CEP85L: variants seen among roughly 807,000 people sequenced by gnomAD.
CEP85L encodes the protein centrosomal protein 85L.
Under a neutral mutation model 100.3 loss-of-function variants are expected in CEP85L, and 60 were observed. The observed-to-expected ratio is 0.60, with a 90% CI of 0.49 to 0.74. The LOEUF (loss-of-function observed/expected upper bound fraction) is 0.74. CEP85L is among the 30% of genes least tolerant of loss of function. The pLI, the probability that CEP85L is intolerant of heterozygous loss-of-function variation, is 0.00. For missense variants in CEP85L, 973 were observed against 936.2 expected (o/e 1.04, Z -0.51); for synonymous variants, 319 against 322.7 (o/e 0.99, Z 0.12).
At chr6:118,503,040 T>C (rs2114673776) in intron 5 of CEP85L, 1 of 216,552 alleles carries the variant, frequency 4.6e-6, no homozygotes, top group East Asian at 1.0e-4. Context: ...TTAATTAAAC[T>C]TCGGAACAGT....
At chr6:118,494,782 C>T (rs1466044856) in intron 5 of CEP85L, among the ~76,000 whole-genome samples, 1 of 152,086 alleles carries the variant, frequency 6.6e-6, no homozygotes, top group East Asian at 1.9e-4. Flanking sequence ...ACAAAAATTA[C>T]AAGACACGCA....
intron 6 of CEP85L, among the ~76,000 whole-genome samples, chr6:118,487,280 T>C (rs1774252533): frequency 6.6e-6 from 1 of 152,174 alleles, no homozygotes; most frequent in South Asian, 2.1e-4. Flanking sequence ...ATACACAGTT[T>C]ATCAGAGGAA....
chr6:118,569,015 A>G (rs1046604553), intron 2 of CEP85L, among the ~76,000 whole-genome samples: 3 of 152,146 alleles, frequency 2.0e-5, no homozygotes, highest in South Asian at 2.1e-4. Context: ...AAGGTTAAGT[A>G]TAACAGTTTT....
At position 118,481,889 on chromosome 6, in the gene CEP85L, C is replaced by G. The variant is rs1169052865; in HGVS notation, c.1635G>C (p.Leu545Phe). Residue 545 changes from leucine (L) to phenylalanine (F), a missense_variant, in exon 8 of 13, where the codon TTG becomes TTC. Coordinates refer to ENST00000368491, the MANE Select transcript of CEP85L (RefSeq NM_001042475.3). ...EEKNKNLQEA[L>F]IDTEKKLEEI... ...CTTCAAGTTTTTTTTCTGTATCTAT[C>G]AAAGCCTCTTGTAAATTCTTATTTT... is the stretch of plus-strand genomic sequence containing the variant. 2.5e-6 allele frequency: 4 copies of G among 1,584,362 alleles called. No individual in the cohort carries two copies. Among genetic ancestry groups the G allele is most frequent in the Non-Finnish European group, 3.4e-6 (4 of 1,164,354 alleles).
chr6:118,702,957 T>C (rs1041889405), intron 1 of CEP85L, among the ~76,000 whole-genome samples: 13 of 146,844 alleles, frequency 8.9e-5, no homozygotes, highest in Middle Eastern at 3.6e-3. Flanking sequence ...GATGGCTCCA[T>C]TGCACTCCAG....
At chr6:118,534,145 C>G (rs944095166) in intron 3 of CEP85L, among the ~76,000 whole-genome samples, 1 of 151,978 alleles carries the variant, frequency 6.6e-6, no homozygotes, top group African/African-American at 2.4e-5. Flanking sequence ...CATTAATAGA[C>G]CAATTAAAAA....
chr6:118,551,261 A>AT (rs1778525505), intron 3 of CEP85L, among the ~76,000 whole-genome samples: 1 of 151,870 alleles, frequency 6.6e-6, no homozygotes, highest in Non-Finnish European at 1.5e-5. Flanking sequence ...GCATACTCAT[A>AT]GTCAACTGAG....
intron 1 of CEP85L, among the ~76,000 whole-genome samples, chr6:118,684,950 C>A (rs1193343806): frequency 6.6e-6 from 1 of 152,174 alleles, no homozygotes; most frequent in Non-Finnish European, 1.5e-5. Context: ...CCGCGCCTGG[C>A]CCCTTTAAGC....
In CEP85L at chr6:118,630,602, T is replaced by C. The variant is rs1028808192; in HGVS notation, c.232+1851A>G. ...CAGACAATGGGATATTACTCAGCACTAAAAGCAAATGAGCCATCAAGCCAT... is the reference window on the plus strand; with the variant it reads ...CAGACAATGGGATATTACTCAGCACCAAAAGCAAATGAGCCATCAAGCCAT... On this transcript the variant is annotated intron_variant, in intron 2 of 12. Coordinates refer to ENST00000368491, the MANE Select transcript of CEP85L (RefSeq NM_001042475.3). Among the ~76,000 whole-genome samples the C allele has an allele frequency of 3.3e-5, 5 of 152,176 alleles. No homozygotes were observed. In the East Asian group the frequency reaches 9.6e-4, roughly 29 times the overall value.
intron 5 of CEP85L, among the ~76,000 whole-genome samples, chr6:118,498,124 T>C (rs1582914820): frequency 2.6e-5 from 4 of 152,280 alleles, no homozygotes; most frequent in Admixed American, 2.6e-4. Flanking sequence ...ATGAAAACTA[T>C]AGGGCAACCA....
At chr6:118,628,637 AAAACAAACAAAC>A (rs138925552) in intron 2 of CEP85L, among the ~76,000 whole-genome samples, 22 of 150,578 alleles carry the variant, frequency 1.5e-4, no homozygotes, top group South Asian at 4.2e-4. Flanking sequence ...TCCATCCAAA[AAAACAAACAAAC>A]AAACAAACAA....
intron 1 of CEP85L, among the ~76,000 whole-genome samples, chr6:118,703,359 G>A (rs192725205): frequency 1.4e-4 from 21 of 152,112 alleles, no homozygotes; most frequent in Middle Eastern, 3.4e-3. Flanking sequence ...ATTTTACTGG[G>A]ATTTGAAGTG....
chr6:118,709,119 A>T (rs1039396138), intron 1 of CEP85L, among the ~76,000 whole-genome samples: 1 of 152,054 alleles, frequency 6.6e-6, no homozygotes, highest in African/African-American at 2.4e-5. Context: ...ACGAAGGCAC[A>T]TTTTCTTCCC....
At chr6:118,590,203 CCT>C (rs1348388379) in intron 2 of CEP85L, among the ~76,000 whole-genome samples, 2 of 152,110 alleles carry the variant, frequency 1.3e-5, no homozygotes, top group South Asian at 2.1e-4. Context: ...ATCTGATTCC[CCT>C]GTGTTGGTCA....
intron 2 of CEP85L, among the ~76,000 whole-genome samples, chr6:118,569,205 G>A (rs1779724983): frequency 6.6e-6 from 1 of 151,742 alleles, no homozygotes; most frequent in South Asian, 2.1e-4. Context: ...AGCCAGGTGT[G>A]GTGGCAGGCG....
Position 118,506,910 on chromosome 6 carries a change from T to C in CEP85L, c.1257+4388A>G, listed in dbSNP as rs922565357. On this transcript the variant is annotated intron_variant, in intron 5 of 12. Transcript: ENST00000368491. Reference sequence around the variant, plus strand: ...CCTTTCTAGAACAACTCCCTCAGGCTCCTTCACAAGTTGTGCTCTTCTGCT... The same window carrying C: ...CCTTTCTAGAACAACTCCCTCAGGCCCCTTCACAAGTTGTGCTCTTCTGCT... 3.3e-5 allele frequency among the ~76,000 whole-genome samples: 5 copies of C among 152,276 alleles called. No individual in the cohort carries two copies. In the South Asian group the frequency reaches 1.0e-3, roughly 32 times the overall value.
At chr6:118,476,466 C>T (rs1012971104) in intron 10 of CEP85L, among the ~76,000 whole-genome samples, 9 of 151,682 alleles carry the variant, frequency 5.9e-5, no homozygotes, top group East Asian at 1.9e-4. Flanking sequence ...TAACACAATT[C>T]GGATAACAAA....
intron 5 of CEP85L, among the ~76,000 whole-genome samples, chr6:118,495,412 A>T (rs1774854397): frequency 6.6e-6 from 1 of 152,060 alleles, no homozygotes; most frequent in Admixed American, 6.6e-5. Flanking sequence ...CCCCCATGCT[A>T]CCGTTCTCGT....
chr6:118,490,933 G>C (rs1774513179), intron 6 of CEP85L, among the ~76,000 whole-genome samples: 1 of 151,656 alleles, frequency 6.6e-6, no homozygotes, highest in African/African-American at 2.4e-5. Flanking sequence ...TTTGCTTAAT[G>C]GGCATTCAGG....
Sources: allele counts gnomAD v4.1 joint callset (sites outside exome capture counted in the v4.1 genomes callset), GRCh38; gene constraint gnomAD v4.1.1; transcripts MANE v1.5; gene names NCBI Gene and HGNC (gene_info 2026-07-23, HGNC 2026-07-21).